The following CLCA1 variants were observed in gnomAD, a reference collection of about 807,000 sequenced individuals.
CLCA1 encodes calcium-activated chloride channel regulator 1.
Under a neutral mutation model 85.6 loss-of-function variants are expected in CLCA1, and 59 were observed. The observed-to-expected ratio is 0.69, with a 90% confidence interval of 0.56 to 0.86. CLCA1 has a LOEUF of 0.86. CLCA1 is among the 40% of genes least tolerant of loss of function. CLCA1 has a pLI of 0.00. For synonymous variants in CLCA1, 396 were observed against 398.3 expected (o/e 0.99, Z 0.07); for missense variants, 1,022 against 1,101.4 (o/e 0.93, Z 1.02).
chr1:86,499,667 C>A lies in CLCA1; in HGVS notation c.2367C>A (p.Ile789=). The A allele has an allele frequency of 6.3e-7, 1 of 1,579,488 alleles. No individual in the cohort carries two copies. The highest frequency in any genetic ancestry group is 8.7e-7 in the Non-Finnish European group (1 of 1,154,308). The change falls in exon 14 of 14, where the codon ATC becomes ATA. Residue 789 remains isoleucine (I), a synonymous_variant. Transcript: ENST00000394711. ...DYDHGTAHKY[I]IRISTSILDL... ...TTTTCTTTTTAGCTCACAAGTATAT[C>A]ATTCGAATAAGTACAAGTATTCTTG... is the stretch of plus-strand genomic sequence containing the variant.
At position 86,499,746 on chromosome 1, in the gene CLCA1, C is replaced by T; in HGVS notation, c.2446C>T (p.Pro816Ser). The change falls in exon 14 of 14, where the codon CCA (proline) becomes TCA (serine). Residue 816 changes from proline to serine, a missense_variant. Coordinates refer to ENST00000394711, the MANE Select transcript of CLCA1 (RefSeq NM_001285.4). ...SLQVNTTALI[P>S]KEANSEEVFL... ...TCAAGTGAATACTACTGCTCTCATC[C>T]CAAAGGAAGCCAACTCTGAGGAAGT... 6.2e-7 allele frequency: 1 copy of T among 1,612,322 alleles called. No individual in the cohort carries two copies.
intron 1 of CLCA1, among the ~76,000 whole-genome samples, chr1:86,469,353 C>T (rs2753338): frequency 0.57 from 86,972 of 151,956 alleles, 25,213 homozygotes; most frequent in Admixed American, 0.62. Flanking sequence ...GAGTGATATA[C>T]TGTTGGCAAC....
rs146483639 is a variant in CLCA1 at position 86,486,536 on chromosome 1, G to A, written c.965G>A (p.Arg322His). 229 of 1,613,812 alleles carry A rather than the reference G, an allele frequency of 1.4e-4. No homozygotes were observed. Among genetic ancestry groups the A allele is most frequent in the Non-Finnish European group, 1.8e-4 (209 of 1,179,984 alleles). Residue 322 changes from arginine (R) to histidine (H), a missense_variant, in exon 7 of 14, where the codon CGC (arginine) becomes CAC (histidine). Physicochemically the swap from Arg to His is conservative, Grantham distance 29. Coordinates refer to ENST00000394711, the MANE Select transcript of CLCA1 (RefSeq NM_001285.4). ...DKSGSMATGN[R>H]LNRLNQAGQL... ...TGCTTCTCCATTTAGACTGGTAACCGCCTCAATCGACTGAATCAAGCAGGC... is the reference window on the plus strand; with the variant it reads ...TGCTTCTCCATTTAGACTGGTAACCACCTCAATCGACTGAATCAAGCAGGC...
intron 5 of CLCA1, among the ~76,000 whole-genome samples, chr1:86,484,605 A>G (rs2734699): frequency 0.029 from 4,390 of 152,282 alleles, 203 homozygotes; most frequent in African/African-American, 0.093. Context: ...GAGAGGAAAC[A>G]AGATGGAAAA....
intron 4 of CLCA1, among the ~76,000 whole-genome samples, chr1:86,479,452 A>C (rs576769494): frequency 6.6e-6 from 1 of 152,358 alleles, no homozygotes; most frequent in Non-Finnish European, 1.5e-5. Context: ...GCTAATCAAA[A>C]GTACATCAAT....
chr1:86,486,402 C>A (rs1647970741), intron 6 of CLCA1, 124 bp from the exon 7 acceptor site: 1 of 802,558 alleles, frequency 1.2e-6, no homozygotes. Flanking sequence ...TAGGATATGC[C>A]TCAAGTAAGC....
chr1:86,479,899 C>A (rs4656116), intron 4 of CLCA1, among the ~76,000 whole-genome samples: 2 of 151,958 alleles, frequency 1.3e-5, no homozygotes, highest in South Asian at 2.1e-4. Context: ...AACAAACAAA[C>A]AAACAAACAA....
rs545817767 is a variant in CLCA1 at position 86,493,428 on chromosome 1, T to C, written c.1509T>C (p.Asn503=). 2.5e-6 allele frequency: 4 copies of C among 1,614,108 alleles called. No individual in the cohort carries two copies. The highest frequency in any genetic ancestry group is 2.2e-5 in the East Asian group (1 of 44,880). ...CCCTCCAGAACAGCCAGTGGATGAATGGCACAGTGATCGTGGACAGCACCG... is the reference window on the plus strand; with the variant it reads ...CCCTCCAGAACAGCCAGTGGATGAACGGCACAGTGATCGTGGACAGCACCG... The part of the protein sequence containing the change: ...GLTLQNSQWM[N]GTVIVDSTVG... Residue 503 remains asparagine, a synonymous_variant, in exon 10 of 14, where the codon AAT becomes AAC. Coordinates refer to ENST00000394711, the MANE Select transcript of CLCA1 (RefSeq NM_001285.4).
Position 86,476,464 on chromosome 1 carries a change from T to C in CLCA1, c.468T>C (p.His156=), listed in dbSNP as rs369276458. 2 of 1,594,792 alleles carry C rather than the reference T, an allele frequency of 1.3e-6. No homozygotes were observed. The highest frequency in any genetic ancestry group is 1.7e-6 in the Non-Finnish European group (2 of 1,162,912). ...TTCTCACAGGTAGGGCATTTGTCCA[T>C]GAGTGGGCTCATCTACGATGGGGAG... The part of the protein sequence containing the change: ...EYGPQGRAFV[H]EWAHLRWGVF... The change falls in exon 4 of 14, where the codon CAT becomes CAC. Residue 156 remains histidine (H), a synonymous_variant. Coordinates refer to ENST00000394711, the MANE Select transcript of CLCA1 (RefSeq NM_001285.4).
At chr1:86,470,490 T>C (rs1647471918) in intron 1 of CLCA1, among the ~76,000 whole-genome samples, 1 of 152,240 alleles carries the variant, frequency 6.6e-6, no homozygotes, top group South Asian at 2.1e-4. Context: ...AGAATGTAGA[T>C]GCCGTATTCA....
Position 86,485,450 on chromosome 1 carries a change from CTT to C in CLCA1, c.845_846del (p.Phe282Ter), listed in dbSNP as rs749194975. 3.1e-6 allele frequency: 5 copies of C among 1,614,026 alleles called. No individual in the cohort carries two copies. The Admixed American group carries it at 8.3e-5, about 27-fold the overall frequency. On this transcript the variant is annotated frameshift_variant, in exon 6 of 14. Transcript: ENST00000394711. LOFTEE classifies it high-confidence loss of function. ...GGGAAGTGATCCGTGATTCTGAGGA[CTT>C]TAAGAAAACCACTCCTATGACAACA... ...TWEVIRDSED[F>X]KKTTPMTTQP... is the part of the protein sequence containing the mutation.
intron 1 of CLCA1, among the ~76,000 whole-genome samples, chr1:86,470,042 A>G (rs930197082): frequency 1.3e-4 from 20 of 152,234 alleles, no homozygotes; most frequent in Admixed American, 1.2e-3. Flanking sequence ...AAATGCATGC[A>G]TAGTGCCTGG....
At chr1:86,473,604 C>A in intron 2 of CLCA1, 47 bp downstream of exon 2, 1 of 1,508,562 alleles carries the variant, frequency 6.6e-7, no homozygotes, top group South Asian at 1.3e-5. Flanking sequence ...CTCCTGTAAC[C>A]AAGATTTTTT....
chr1:86,492,520 A>G (rs1222729653), intron 9 of CLCA1, among the ~76,000 whole-genome samples: 2 of 152,230 alleles, frequency 1.3e-5, no homozygotes, highest in East Asian at 3.8e-4. Context: ...CGCTTTCTCC[A>G]CTTGCCAGCT....
At chr1:86,495,035 G>GT (rs894038812) in intron 11 of CLCA1, among the ~76,000 whole-genome samples, 3 of 121,576 alleles carry the variant, frequency 2.5e-5, no homozygotes, top group South Asian at 3.1e-4. Context: ...GAATTCTACA[G>GT]TTTAAAAAAA....
intron 10 of CLCA1, 77 bp downstream of exon 10, chr1:86,493,676 T>G: frequency 1.8e-6 from 2 of 1,141,766 alleles, no homozygotes; most frequent in Non-Finnish European, 2.5e-6. Flanking sequence ...TGTAGCATTT[T>G]AAATGTTGGT....
intron 9 of CLCA1, among the ~76,000 whole-genome samples, chr1:86,491,586 G>C (rs1345494279): frequency 1.3e-5 from 2 of 152,166 alleles, no homozygotes; most frequent in East Asian, 3.8e-4. Context: ...GCAATACCAA[G>C]TGAATTCCTC....
chr1:86,495,763 TG>T (rs763561078), intron 12 of CLCA1, 88 bp downstream of exon 12: 23 of 1,234,824 alleles, frequency 1.9e-5, no homozygotes, highest in Non-Finnish European at 2.0e-5. Context: ...GAATGGTGCA[TG>T]ATTAAATCAG....
At position 86,474,553 on chromosome 1, in the gene CLCA1, CAA is replaced by C. The variant is rs142437955; in HGVS notation, c.451+689_451+690del. Among the ~76,000 whole-genome samples the C allele has an allele frequency of 6.4e-4, 70 of 109,074 alleles. No individual in the cohort carries two copies. In the East Asian group the frequency reaches 7.9e-3, roughly 12 times the overall value. 71.6% of individuals were successfully genotyped at this position (109,074 alleles called of 152,430 possible). A position where few individuals can be genotyped will look rare whatever the true frequency, so the allele number is the denominator to read the frequency against. Reference sequence around the variant, plus strand: ...TGGGCGACAGAGCGAGACTCCGTATCAAAAAAAAAAAAAGGGGGGGGATTCTC... The same window carrying C: ...TGGGCGACAGAGCGAGACTCCGTATCAAAAAAAAAAAGGGGGGGGATTCTC... On this transcript the variant is annotated intron_variant, in intron 3 of 13. Transcript: ENST00000394711.
Sources: allele counts gnomAD v4.1 joint callset (sites outside exome capture counted in the v4.1 genomes callset), GRCh38; gene constraint gnomAD v4.1.1; transcripts MANE v1.5; gene names NCBI Gene and HGNC (gene_info 2026-07-23, HGNC 2026-07-21).